CTBP2: variants seen among roughly 807,000 people sequenced by gnomAD.
The protein encoded by CTBP2 is C-terminal-binding protein 2.
CTBP2 carries 30 observed loss-of-function variants against 80.3 expected under a neutral mutation model. The ratio of observed to expected loss-of-function variants is 0.37; its 90% CI spans 0.28 to 0.51. The LOEUF is 0.51. Among genes scored for constraint, CTBP2 ranks in the 20% least tolerant of loss-of-function variants. The probability of loss-of-function intolerance (pLI) is 0.93; values close to 1 mark genes in which losing one functional copy is unlikely to be tolerated. For synonymous variants in CTBP2, 594 were observed against 587.4 expected (o/e 1.01, Z -0.16); for missense variants, 1,212 against 1,375.3 (o/e 0.88, Z 1.88).
At position 125,039,195 on chromosome 10, in the gene CTBP2, C is replaced by T. The variant is rs911873976; in HGVS notation, c.-101-40G>A. On this transcript the variant is annotated intron_variant, in intron 2 of 10. Transcript: ENST00000337195. The stretch of plus-strand genomic sequence containing the variant: ...AAAGAATCCTTACTCTCTGGAGACC[C>T]TCTGGGCACAGGACAACAGCTCACT... 12 of 692,900 alleles carry T rather than the reference C, an allele frequency of 1.7e-5. No individual in the cohort carries two copies. In the African/African-American group the frequency reaches 2.2e-4, roughly 13 times the overall value. 42.9% of individuals were successfully genotyped at this position (692,900 alleles called of 1,614,324 possible).
intron 1 of CTBP2, among the ~76,000 whole-genome samples, chr10:125,123,606 CAA>C (rs1854708426): frequency 6.6e-6 from 1 of 152,220 alleles, no homozygotes; most frequent in South Asian, 2.1e-4. Context: ...TCAGCGCTTA[CAA>C]GGAGGGGCCA....
chr10:125,090,246 C>CCA (rs1205487426), intron 2 of CTBP2, among the ~76,000 whole-genome samples: 1 of 138,556 alleles, frequency 7.2e-6, no homozygotes, highest in Non-Finnish European at 1.5e-5. Context: ...CGAGATCATG[C>CCA]CACTGTACTA....
At chr10:125,128,437 G>T in intron 1 of CTBP2, among the ~76,000 whole-genome samples, 1 of 152,170 alleles carries the variant, frequency 6.6e-6, no homozygotes, top group East Asian at 1.9e-4. Flanking sequence ...AGGAATGAAG[G>T]AACAAGAATT....
chr10:125,081,890 T>C (rs1035901785), intron 2 of CTBP2, among the ~76,000 whole-genome samples: 1 of 151,786 alleles, frequency 6.6e-6, no homozygotes, highest in Non-Finnish European at 1.5e-5. Context: ...CCTCCTTCTG[T>C]CTCTGCTGTT....
Position 124,985,047 on chromosome 10 carries a change from G to A in CTBP2, c.*4471C>T. 2.9e-6 allele frequency: 4 copies of A among 1,362,846 alleles called. No individual in the cohort carries two copies. Among genetic ancestry groups the A allele is most frequent in the Non-Finnish European group, 4.1e-6 (4 of 978,974 alleles). The allele number at this position is 1,362,846 out of a possible 1,614,324, so 84.4% of individuals were successfully genotyped here. On this transcript the variant is annotated 3_prime_UTR_variant, in exon 9 of 9. Transcript: ENST00000309035. ...GCATCAGATCTGTAATGACCCTAAA[G>A]TTAGTGTGGTGCTCCAAGCAGAGTC...
chr10:125,158,950 G>A (rs1861437556), intron 1 of CTBP2, among the ~76,000 whole-genome samples: 1 of 151,914 alleles, frequency 6.6e-6, no homozygotes, highest in Admixed American at 6.6e-5. Context: ...CGGTGACCGA[G>A]CTGAGCTCTT....
intron 7 of CTBP2, 148 bp downstream of exon 9, chr10:124,993,054 C>A: frequency 3.8e-6 from 4 of 1,055,428 alleles, no homozygotes; most frequent in Non-Finnish European, 5.3e-6. Flanking sequence ...TCAGGGCTTA[C>A]GTAAATAAAC....
At chr10:125,147,221 G>A (rs1490030688) in intron 1 of CTBP2, among the ~76,000 whole-genome samples, 1 of 152,152 alleles carries the variant, frequency 6.6e-6, no homozygotes, top group Non-Finnish European at 1.5e-5. Context: ...CACGTTCACT[G>A]TGGTTTATGT....
Position 125,026,231 on chromosome 10 carries a change from T to G in CTBP2, c.1529A>C (p.Gln510Pro), listed in dbSNP as rs773078319. Reference sequence around the variant, plus strand: ...GGGTGCACCTGGCTTCCGCAAGACCTGGGGGCTGCCGTGAGGGCTGGGCAG... The same window carrying G: ...GGGTGCACCTGGCTTCCGCAAGACCGGGGGGCTGCCGTGAGGGCTGGGCAG... The change falls in exon 1 of 9, where the codon CAG (glutamine) becomes CCG (proline). Residue 510 changes from glutamine to proline, a missense_variant. Gln to Pro is a moderately conservative substitution (Grantham distance 76). Around this residue, in one of 3 missense-constraint regions of CTBP2, gnomAD observed 848 missense variants for 782.3 expected, o/e 1.08. Coordinates refer to ENST00000309035, the MANE Select transcript of CTBP2 (RefSeq NM_022802.3). 3 of 1,613,504 alleles carry G rather than the reference T, an allele frequency of 1.9e-6. No individual in the cohort carries two copies. The highest frequency in any genetic ancestry group is 2.5e-6 in the Non-Finnish European group (3 of 1,179,914).
chr10:125,082,350 G>C (rs947669485), intron 2 of CTBP2, among the ~76,000 whole-genome samples: 1 of 152,204 alleles, frequency 6.6e-6, no homozygotes, highest in African/African-American at 2.4e-5. Flanking sequence ...TCACCTTGGA[G>C]ATGCTGCCCT....
chr10:125,052,585 C>G (rs1963030105), intron 2 of CTBP2, among the ~76,000 whole-genome samples: 1 of 152,160 alleles, frequency 6.6e-6, no homozygotes, highest in Admixed American at 6.5e-5. Context: ...GTTGGGAGAT[C>G]AAAGAAAGGT....
chr10:125,078,057 G>A (rs1242648156), intron 2 of CTBP2, among the ~76,000 whole-genome samples: 1 of 152,058 alleles, frequency 6.6e-6, no homozygotes, highest in African/African-American at 2.4e-5. Flanking sequence ...AAGACGGGCA[G>A]ATCACGAGGT....
intron 1 of CTBP2, among the ~76,000 whole-genome samples, chr10:125,130,552 CAA>C (rs1856003604): frequency 6.6e-6 from 1 of 152,322 alleles, no homozygotes; most frequent in African/African-American, 2.4e-5. Context: ...GTTCCCAGCT[CAA>C]GTCACACGTG....
At chr10:125,152,327 C>T (rs1378121838) in intron 1 of CTBP2, among the ~76,000 whole-genome samples, 1 of 152,192 alleles carries the variant, frequency 6.6e-6, no homozygotes, top group African/African-American at 2.4e-5. Context: ...AGACCCCGCC[C>T]CCTCCAGGTA....
At chr10:125,144,684 G>C (rs890520450) in intron 1 of CTBP2, among the ~76,000 whole-genome samples, 1 of 152,206 alleles carries the variant, frequency 6.6e-6, no homozygotes, top group Non-Finnish European at 1.5e-5. Context: ...TGCCTGCAGT[G>C]GGAAGTAAAT....
At chr10:125,062,161 C>G (rs1965092456) in intron 2 of CTBP2, among the ~76,000 whole-genome samples, 1 of 152,140 alleles carries the variant, frequency 6.6e-6, no homozygotes, top group African/African-American at 2.4e-5. Context: ...ACGGTGCCTA[C>G]AGGGGAAAAC....
intron 2 of CTBP2, among the ~76,000 whole-genome samples, chr10:125,079,943 A>T (rs1181320596): frequency 6.6e-6 from 1 of 152,234 alleles, no homozygotes; most frequent in Non-Finnish European, 1.5e-5. Context: ...TGTTTTCTGC[A>T]GATTTTAAAC....
At chr10:125,161,432 C>T (rs1323709689), upstream of CTBP2, among the ~76,000 whole-genome samples, 4 of 151,874 alleles carry the variant, frequency 2.6e-5, no homozygotes, top group African/African-American at 9.7e-5. Flanking sequence ...CGGGTGGCCC[C>T]GGTCCCATGG....
chr10:125,096,780 TGG>T (rs1038630640), intron 2 of CTBP2, among the ~76,000 whole-genome samples: 1 of 4,382 alleles, frequency 2.3e-4, no homozygotes, highest in East Asian at 5.8e-3. Flanking sequence ...AGTGGTTTAA[TGG>T]GGGGGTGGGG....
Sources: gnomAD v4.1 joint callset for allele counts (sites outside exome capture counted in the v4.1 genomes callset) on GRCh38, gnomAD v4.1.1 for gene constraint, gnomAD v4.1.1 regional missense constraint, MANE v1.5 for transcripts, NCBI Gene and HGNC (gene_info 2026-07-23, HGNC 2026-07-21) for gene names.